Variants in ATP8B4 observed in about 807,000 individuals in gnomAD.
ATP8B4 encodes ATPase phospholipid transporting 8B4 (putative), also known as probable phospholipid-transporting ATPase IM.
Under a neutral mutation model 145.6 loss-of-function variants are expected in ATP8B4, and 133 were observed. That is an observed-to-expected ratio of 0.91 (90% CI 0.79 to 1.05). The LOEUF (loss-of-function observed/expected upper bound fraction) is 1.05, where lower values mean the gene tolerates loss of function less well. Ranked by LOEUF, ATP8B4 falls within the 50% of genes least tolerant of loss-of-function variation. The pLI is 0.00. For missense variants in ATP8B4, 1,458 were observed against 1,425.2 expected (o/e 1.02, Z -0.37); for synonymous variants, 507 against 492.9 (o/e 1.03, Z -0.38).
intron 26 of ATP8B4, among the ~76,000 whole-genome samples, chr15:49,863,306 T>C (rs1215488635): frequency 6.6e-6 from 1 of 152,234 alleles, no homozygotes; most frequent in Non-Finnish European, 1.5e-5. Flanking sequence ...CCATCCAACA[T>C]GCTAGGGCAA....
chr15:50,117,492 C>A (rs184685705), intron 1 of ATP8B4, among the ~76,000 whole-genome samples: 179 of 152,246 alleles, frequency 1.2e-3, no homozygotes, highest in African/African-American at 4.2e-3. Flanking sequence ...ACAAAAAAAT[C>A]CTCCAGGGGC....
chr15:49,913,986 T>C (rs1020750039), intron 20 of ATP8B4, among the ~76,000 whole-genome samples: 1 of 152,044 alleles, frequency 6.6e-6, no homozygotes, highest in Non-Finnish European at 1.5e-5. Context: ...TTCCTAACAT[T>C]CATATGGAAC....
At chr15:49,935,032 T>C (rs74012849) in intron 14 of ATP8B4, among the ~76,000 whole-genome samples, 8,710 of 152,134 alleles carry the variant, frequency 0.057, 849 homozygotes, top group African/African-American at 0.2. Flanking sequence ...CAAAAGCAGA[T>C]AGGATTATAA....
chr15:49,952,250 G>T (rs2043170738), intron 14 of ATP8B4, among the ~76,000 whole-genome samples: 2 of 152,156 alleles, frequency 1.3e-5, no homozygotes, highest in African/African-American at 4.8e-5. Context: ...GTCTTGCTAG[G>T]TTAGGGAAGT....
intron 3 of ATP8B4, 24 bp downstream of exon 3, chr15:50,074,103 A>G (rs1184117706): frequency 6.2e-7 from 1 of 1,600,156 alleles, no homozygotes. Flanking sequence ...CCTAGTACGT[A>G]TGTGTTATGT....
At chr15:50,018,874 C>A in intron 6 of ATP8B4, 1 of 1,142,858 alleles carries the variant, frequency 8.7e-7, no homozygotes, top group Non-Finnish European at 1.2e-6. Context: ...AAGCTTCGAC[C>A]ATTATGTCAC....
At chr15:50,149,330 A>G (rs764384632) in intron 1 of ATP8B4, among the ~76,000 whole-genome samples, 19 of 152,208 alleles carry the variant, frequency 1.2e-4, no homozygotes, top group Non-Finnish European at 1.0e-4. Context: ...AGATCCTAGT[A>G]TCACTGGTAG....
At chr15:50,153,455 C>CAG (rs1230166563) in intron 1 of ATP8B4, among the ~76,000 whole-genome samples, 52 of 152,056 alleles carry the variant, frequency 3.4e-4, no homozygotes, top group Admixed American at 8.5e-4. Flanking sequence ...TCTCCTGCCT[C>CAG]CATCTCCTGA....
At chr15:50,174,582 C>CTAACA (rs199538506) in intron 1 of ATP8B4, among the ~76,000 whole-genome samples, 1,876 of 150,890 alleles carry the variant, frequency 0.012, 23 homozygotes, top group Non-Finnish European at 0.017. Flanking sequence ...AGGAACATAC[C>CTAACA]TAACAAAGGA....
At position 50,047,513 on chromosome 15, in the gene ATP8B4, G is replaced by C. The variant is rs758631469; in HGVS notation, c.88-49C>G. 3 of 1,127,002 alleles carry C rather than the reference G, an allele frequency of 2.7e-6. No homozygotes were observed. In the South Asian group the frequency reaches 3.8e-5, roughly 14 times the overall value. 69.8% of individuals were successfully genotyped at this position (1,127,002 alleles called of 1,614,324 possible). A position where few individuals can be genotyped will look rare whatever the true frequency, so the allele number is the denominator to read the frequency against. The stretch of plus-strand genomic sequence containing the variant: ...TAGTTTGGGGCAAGGCATTGCTCAT[G>C]ATCAGAAATAGCTCTAAAACCTACA... On this transcript the variant is annotated intron_variant, in intron 3 of 27. Transcript: ENST00000284509.
intron 25 of ATP8B4, among the ~76,000 whole-genome samples, chr15:49,872,247 G>C (rs1403826961): frequency 6.6e-6 from 1 of 152,158 alleles, no homozygotes; most frequent in African/African-American, 2.4e-5. Flanking sequence ...CTGCAATGTT[G>C]TCACTGTGTG....
rs183581542 is a variant in ATP8B4, at chr15:49,858,758, G to T, written c.*1436C>A. On this transcript the variant is annotated 3_prime_UTR_variant, in exon 28 of 28. Transcript: ENST00000284509. Reference sequence around the variant, plus strand: ...CCCTAACCAGTTTTATATCTTTCTGGCAATTTCATTTTATCAAAGCCTTCC... The same window carrying T: ...CCCTAACCAGTTTTATATCTTTCTGTCAATTTCATTTTATCAAAGCCTTCC... 72 of 152,174 alleles carry T rather than the reference G, an allele frequency of 4.7e-4. No individual in the cohort carries two copies. Among genetic ancestry groups the T allele is most frequent in the Admixed American group, 4.3e-3 (65 of 15,288 alleles). The allele number at this position is 152,174 out of a possible 1,614,324, so 9.4% of individuals were successfully genotyped here.
chr15:49,963,533 G>C (rs1385536046), intron 13 of ATP8B4, among the ~76,000 whole-genome samples: 1 of 152,162 alleles, frequency 6.6e-6, no homozygotes, highest in African/African-American at 2.4e-5. Context: ...GATAGACTGG[G>C]TAAAGAAAAT....
intron 8 of ATP8B4, among the ~76,000 whole-genome samples, chr15:49,999,756 C>T (rs893579026): frequency 6.6e-6 from 1 of 151,978 alleles, no homozygotes; most frequent in Non-Finnish European, 1.5e-5. Context: ...ATCACAACCA[C>T]GATATTGATA....
intron 6 of ATP8B4, among the ~76,000 whole-genome samples, chr15:50,020,563 G>A (rs182626218): frequency 3.3e-5 from 5 of 152,130 alleles, no homozygotes; most frequent in African/African-American, 7.2e-5. Flanking sequence ...TATATCTTCA[G>A]CCCACACCTC....
rs2041522631 is a variant in ATP8B4 at position 49,934,117 on chromosome 15, G to A, written c.1353C>T (p.His451=). The change falls in exon 15 of 28, where the codon CAC becomes CAT. Residue 451 remains histidine (H), a synonymous_variant. Transcript: ENST00000284509. ...CCATTTTAATGGATTCCATCAGATG[G>A]TGGTCAAAGAACTGAAATTCTCTAT... ...QADREFQFFD[H]HLMESIKMGD... 6.2e-7 allele frequency: 1 copy of A among 1,612,534 alleles called. No homozygotes were observed. Among genetic ancestry groups the A allele is most frequent in the Admixed American group, 1.7e-5 (1 of 59,792 alleles).
At chr15:50,059,514 T>G (rs1004992573) in intron 3 of ATP8B4, among the ~76,000 whole-genome samples, 1 of 152,178 alleles carries the variant, frequency 6.6e-6, no homozygotes, top group African/African-American at 2.4e-5. Context: ...CTTTCCCCTG[T>G]TCCTTGAATG....
intron 2 of ATP8B4, among the ~76,000 whole-genome samples, chr15:50,099,111 A>C (rs2056182939): frequency 6.6e-6 from 1 of 152,112 alleles, no homozygotes; most frequent in South Asian, 2.1e-4. Flanking sequence ...CTGGCTCCAC[A>C]ACCCCCACAT....
chr15:50,170,291 T>C (rs191167363), intron 1 of ATP8B4, among the ~76,000 whole-genome samples: 1 of 152,242 alleles, frequency 6.6e-6, no homozygotes, highest in East Asian at 1.9e-4. Context: ...AGGTAGCCTA[T>C]AAAGGAAAAC....
Sources: gnomAD v4.1 joint callset for allele counts (sites outside exome capture counted in the v4.1 genomes callset) on GRCh38, gnomAD v4.1.1 for gene constraint, MANE v1.5 for transcripts, NCBI Gene and HGNC (gene_info 2026-07-23, HGNC 2026-07-21) for gene names.